Variants in SEMA6D observed in about 807,000 individuals in gnomAD.
SEMA6D encodes the protein semaphorin 6D.
A neutral mutation model predicts 106.6 loss-of-function variants in SEMA6D; 35 were observed. That is an observed-to-expected ratio of 0.33 (90% confidence interval 0.25 to 0.44). The LOEUF (loss-of-function observed/expected upper bound fraction) is 0.44. SEMA6D is among the 20% of genes least tolerant of loss of function. The pLI, the probability that SEMA6D is intolerant of heterozygous loss-of-function variation, is 1.00. For synonymous variants in SEMA6D, 499 were observed against 487.7 expected (o/e 1.02, Z -0.31); for missense variants, 1,185 against 1,345.9 (o/e 0.88, Z 1.87).
chr15:47,399,978 AT>A, intron 1 of SEMA6D, among the ~76,000 whole-genome samples: 1 of 152,166 alleles, frequency 6.6e-6, no homozygotes, highest in Non-Finnish European at 1.5e-5. Context: ...TTAAATAAGA[AT>A]AGTTAGAGTT....
intron 2 of SEMA6D, among the ~76,000 whole-genome samples, chr15:47,417,295 G>C (rs2040999491): frequency 6.6e-6 from 1 of 151,994 alleles, no homozygotes; most frequent in African/African-American, 2.4e-5. Flanking sequence ...AACGTAAATT[G>C]TGTAATCATA....
chr15:47,575,255 A>T (rs1281267224), intron 3 of SEMA6D, among the ~76,000 whole-genome samples: 1 of 152,198 alleles, frequency 6.6e-6, no homozygotes, highest in Non-Finnish European at 1.5e-5. Flanking sequence ...CTCCCAACAC[A>T]TAACCTTTCT....
intron 4 of SEMA6D, among the ~76,000 whole-genome samples, chr15:47,669,005 C>G (rs1196956481): frequency 6.6e-6 from 1 of 152,092 alleles, no homozygotes; most frequent in Non-Finnish European, 1.5e-5. Context: ...ATAATGAACA[C>G]CCATATAGAT....
chr15:47,683,384 A>G (rs922559998), intron 4 of SEMA6D, among the ~76,000 whole-genome samples: 1 of 152,244 alleles, frequency 6.6e-6, no homozygotes, highest in Non-Finnish European at 1.5e-5. Context: ...TGCAAAGGAC[A>G]GGATTTCATT....
chr15:47,472,652 C>T (rs991362472), intron 3 of SEMA6D, among the ~76,000 whole-genome samples: 1 of 151,888 alleles, frequency 6.6e-6, no homozygotes, highest in Admixed American at 6.6e-5. Context: ...AAATCAATAA[C>T]ATATTAAAAA....
intron 4 of SEMA6D, among the ~76,000 whole-genome samples, chr15:47,672,305 A>G (rs1662038963): frequency 6.6e-6 from 1 of 152,200 alleles, no homozygotes; most frequent in Non-Finnish European, 1.5e-5. Context: ...ACAGTGAGAA[A>G]TGGCTTTCCT....
chr15:47,556,243 C>G (rs2045910868), intron 3 of SEMA6D, among the ~76,000 whole-genome samples: 1 of 152,032 alleles, frequency 6.6e-6, no homozygotes, highest in Admixed American at 6.6e-5. Flanking sequence ...TCCCGCAATC[C>G]CACCCCACCA....
intron 1 of SEMA6D, among the ~76,000 whole-genome samples, chr15:47,404,216 A>C (rs1363263814): frequency 6.6e-6 from 1 of 152,206 alleles, no homozygotes; most frequent in Admixed American, 6.5e-5. Flanking sequence ...GAGAACCTCT[A>C]TTCTAGAGGA....
chr15:47,215,882 C>T (rs1001570473), intron 1 of SEMA6D, among the ~76,000 whole-genome samples: 1 of 151,864 alleles, frequency 6.6e-6, no homozygotes, highest in Non-Finnish European at 1.5e-5. Context: ...ACAGAGAGGT[C>T]GAGGAGCAGT....
chr15:47,503,900 T>C (rs1009935279), intron 3 of SEMA6D, among the ~76,000 whole-genome samples: 6 of 152,210 alleles, frequency 3.9e-5, no homozygotes, highest in African/African-American at 1.4e-4. Flanking sequence ...TCTTTGTGTT[T>C]ACTGCCACTT....
At chr15:47,623,696 A>G (rs2077150966) in intron 4 of SEMA6D, among the ~76,000 whole-genome samples, 1 of 152,158 alleles carries the variant, frequency 6.6e-6, no homozygotes, top group South Asian at 2.1e-4. Context: ...ATCTTCTTTC[A>G]TGTACTCAAT....
chr15:47,423,568 A>G (rs1246436561), intron 2 of SEMA6D, among the ~76,000 whole-genome samples: 1 of 152,138 alleles, frequency 6.6e-6, no homozygotes. Context: ...TAGATGACAT[A>G]CTAAAGAAAA....
chr15:47,726,220 C>T (rs919476664), intron 1 of SEMA6D, among the ~76,000 whole-genome samples: 2 of 152,356 alleles, frequency 1.3e-5, no homozygotes, highest in East Asian at 3.9e-4. Flanking sequence ...TTACCATGTG[C>T]CATGGCACAG....
intron 1 of SEMA6D, among the ~76,000 whole-genome samples, chr15:47,242,864 G>T (rs1371364275): frequency 6.6e-6 from 1 of 152,110 alleles, no homozygotes; most frequent in African/African-American, 2.4e-5. Flanking sequence ...ACTATGCATA[G>T]TATAGATGTA....
Position 47,373,952 on chromosome 15 carries a change from ACT to A in SEMA6D, c.-238-38438_-238-38437del, listed in dbSNP as rs372071067. The stretch of plus-strand genomic sequence containing the variant: ...GACCATGAGCAGGGGTCATGGCGAA[ACT>A]CTGTTCAGCAGTAAATAACTTGTTG... On this transcript the variant is annotated intron_variant, in intron 1 of 19. Transcript: ENST00000558014. Among the ~76,000 whole-genome samples the A allele has an allele frequency of 3.6e-3, 552 of 152,144 alleles. 1 individual carries two copies. The highest frequency in any genetic ancestry group is 0.013 in the African/African-American group (527 of 41,510).
At chr15:47,482,829 C>T (rs1268094601) in intron 3 of SEMA6D, among the ~76,000 whole-genome samples, 3 of 151,800 alleles carry the variant, frequency 2.0e-5, no homozygotes, top group African/African-American at 4.9e-5. Flanking sequence ...AACATATTAA[C>T]TAGATAGAAA....
intron 3 of SEMA6D, among the ~76,000 whole-genome samples, chr15:47,516,772 G>C (rs1175700981): frequency 6.6e-6 from 1 of 152,164 alleles, no homozygotes; most frequent in African/African-American, 2.4e-5. Context: ...TGAGTCATAA[G>C]ATTTGCTCAT....
chr15:47,357,988 G>T (rs970477000), intron 1 of SEMA6D, among the ~76,000 whole-genome samples: 4 of 152,084 alleles, frequency 2.6e-5, no homozygotes, highest in African/African-American at 9.7e-5. Flanking sequence ...ATATATTTCA[G>T]ATTTACCGAA....
intron 2 of SEMA6D, among the ~76,000 whole-genome samples, chr15:47,463,343 A>T (rs567035239): frequency 6.6e-6 from 1 of 152,162 alleles, no homozygotes; most frequent in Non-Finnish European, 1.5e-5. Context: ...TTTCTTCTCC[A>T]TAAATCCTTT....
Sources: allele counts gnomAD v4.1 joint callset (sites outside exome capture counted in the v4.1 genomes callset), GRCh38; gene constraint gnomAD v4.1.1; transcripts MANE v1.5; gene names NCBI Gene and HGNC (gene_info 2026-07-23, HGNC 2026-07-21).